The following PSMG4 variants were observed in gnomAD, a reference collection of about 807,000 sequenced individuals.
PSMG4 encodes proteasome assembly chaperone 4.
In PSMG4, 10 loss-of-function variants were observed where a neutral mutation model predicts 11.0. The ratio of observed to expected loss-of-function variants is 0.91; its 90% confidence interval spans 0.56 to 1.54. The LOEUF (loss-of-function observed/expected upper bound fraction) is 1.54, where lower values mean the gene tolerates loss of function less well. PSMG4 is among the 40% of genes most tolerant of loss of function. PSMG4 has a pLI of 0.00. For synonymous variants in PSMG4, 95 were observed against 71.3 expected, an observed-to-expected ratio of 1.33 and a Z score of -1.68; for missense variants, 198 against 160.9, an observed-to-expected ratio of 1.23 and a Z score of -1.25.
At chr6:3,257,941 G>C (rs551123037), upstream of PSMG4, among the ~76,000 whole-genome samples, 33 of 152,204 alleles carry the variant, frequency 2.2e-4, no homozygotes, top group Non-Finnish European at 3.7e-4. Context: ...TTAGCAAATA[G>C]AACTATGGAA....
chr6:3,257,532 TATGGTGTAGCCATACAATGG>T (rs1338507202), upstream of PSMG4, among the ~76,000 whole-genome samples: 1 of 152,156 alleles, frequency 6.6e-6, no homozygotes, highest in Non-Finnish European at 1.5e-5. Context: ...ATAAAACAAT[TATGGTGTAGCCATACAATGG>T]AACACTGCTT....
upstream of PSMG4, chr6:3,255,159 T>C (rs184642645): frequency 9.6e-4 from 1,486 of 1,550,936 alleles, 7 homozygotes; most frequent in Middle Eastern, 0.023. Flanking sequence ...AGCAGGGCCA[T>C]ACTGACGGCT....
intron 1 of PSMG4, among the ~76,000 whole-genome samples, chr6:3,260,200 C>G (rs113415223): frequency 7.2e-5 from 5 of 69,406 alleles, no homozygotes; most frequent in Admixed American, 1.6e-4. Context: ...CCTCAGTGAG[C>G]CCGACTCTTC....
chr6:3,256,278 T>C (rs1428988432), upstream of PSMG4, among the ~76,000 whole-genome samples: 1 of 152,134 alleles, frequency 6.6e-6, no homozygotes, highest in Non-Finnish European at 1.5e-5. Context: ...AATTTCTAGG[T>C]ATATATATCC....
At chr6:3,260,379 C>T (rs1291064534) in intron 1 of PSMG4, among the ~76,000 whole-genome samples, 2 of 147,696 alleles carry the variant, frequency 1.4e-5, no homozygotes, top group East Asian at 4.0e-4. Flanking sequence ...GCAACCTCCG[C>T]CTCCCAGGTT....
intron 1 of PSMG4, among the ~76,000 whole-genome samples, 170 bp from the exon 2 acceptor site, chr6:3,263,514 A>G (rs933148535): frequency 1.2e-4 from 18 of 152,278 alleles, no homozygotes; most frequent in African/African-American, 4.3e-4. Flanking sequence ...CATGGGGTCC[A>G]CCTACTTGGT....
At chr6:3,254,445 T>G (rs1231077369), upstream of PSMG4, among the ~76,000 whole-genome samples, 1 of 69,174 alleles carries the variant, frequency 1.4e-5, no homozygotes, top group Non-Finnish European at 4.7e-5. Context: ...CTGTAATAGT[T>G]TTCTGCTTTT....
chr6:3,260,291 A>ATATATTTTTTTTT, intron 1 of PSMG4, among the ~76,000 whole-genome samples: 26 of 70,856 alleles, frequency 3.7e-4, no homozygotes, highest in African/African-American at 1.2e-3. Context: ...ATATATATAT[A>ATATATTTTTTTTT]TTTTTTTTTT....
chr6:3,263,594 G>A (rs1758073306), intron 1 of PSMG4, 90 bp from the exon 2 acceptor site: 9 of 1,142,936 alleles, frequency 7.9e-6, no homozygotes, highest in South Asian at 1.6e-5. Context: ...CACTGCCATC[G>A]TCGTGAAGAA....
upstream of PSMG4, chr6:3,254,985 C>G (rs1757701040): frequency 6.7e-7 from 1 of 1,500,092 alleles, no homozygotes. Context: ...GCTGTGGATC[C>G]CATGGACCTA....
intron 1 of PSMG4, among the ~76,000 whole-genome samples, chr6:3,262,325 G>C (rs1446193627): frequency 6.6e-6 from 1 of 152,212 alleles, no homozygotes; most frequent in East Asian, 1.9e-4. Flanking sequence ...GGTAGAAAAA[G>C]GCCACCCTGG....
intron 2 of PSMG4, chr6:3,264,580 C>CT (rs1453531209): frequency 7.6e-6 from 4 of 526,532 alleles, no homozygotes; most frequent in Non-Finnish European, 1.3e-5. Flanking sequence ...GGAGTGTCAC[C>CT]AGCAGGCCCA....
intron 2 of PSMG4, chr6:3,266,029 T>C (rs4998907): frequency 0.83 from 125,759 of 151,498 alleles, 52,459 homozygotes; most frequent in Non-Finnish European, 0.87. Flanking sequence ...CCTTGCTTTT[T>C]CATAGGTGTG....
At chr6:3,263,437 G>T (rs189745917) in intron 1 of PSMG4, among the ~76,000 whole-genome samples, 1 of 152,332 alleles carries the variant, frequency 6.6e-6, no homozygotes, top group Non-Finnish European at 1.5e-5. Context: ...TGTGAAACTG[G>T]TCCTAGAACT....
At chr6:3,254,534 C>G (rs776909486), upstream of PSMG4, among the ~76,000 whole-genome samples, 6 of 150,394 alleles carry the variant, frequency 4.0e-5, no homozygotes, top group South Asian at 8.6e-4. Context: ...TAACAATTAT[C>G]TGGAAGGTGT....
chr6:3,259,538 G>A (rs1257465470), intron 1 of PSMG4, among the ~76,000 whole-genome samples: 1 of 152,268 alleles, frequency 6.6e-6, no homozygotes, highest in East Asian at 1.9e-4. Flanking sequence ...TGAGCACACT[G>A]ATAATTTTTT....
Position 3,267,836 on chromosome 6 carries a change from T to C in PSMG4, c.*124T>C, listed in dbSNP as rs1758255738. 2.9e-6 allele frequency: 3 copies of C among 1,024,260 alleles called. No individual in the cohort carries two copies. Among genetic ancestry groups the C allele is most frequent in the Non-Finnish European group, 4.2e-6 (3 of 713,430 alleles). 63.4% of individuals were successfully genotyped at this position (1,024,260 alleles called of 1,614,324 possible). ...TTTTTAAGGGGTTAATCTTTTGAGCTTCCTTCTCAGCAGTGTGTGGGCCAA... is the reference window on the plus strand; with the variant it reads ...TTTTTAAGGGGTTAATCTTTTGAGCCTCCTTCTCAGCAGTGTGTGGGCCAA... On this transcript the variant is annotated 3_prime_UTR_variant, in exon 3 of 3. Coordinates refer to ENST00000438998, the MANE Select transcript of PSMG4 (RefSeq NM_001128591.2).
At chr6:3,254,489 G>A (rs1054141259), upstream of PSMG4, among the ~76,000 whole-genome samples, 1 of 152,132 alleles carries the variant, frequency 6.6e-6, no homozygotes, top group East Asian at 1.9e-4. Context: ...ATTGTTGCTG[G>A]TGGTTTTTTG....
chr6:3,255,372 A>G (rs550138232), upstream of PSMG4: 51 of 1,423,948 alleles, frequency 3.6e-5, no homozygotes, highest in African/African-American at 2.2e-4. Flanking sequence ...CCTGTGGTGG[A>G]TGATGTTTGT....
Sources: gnomAD v4.1 joint callset for allele counts (sites outside exome capture counted in the v4.1 genomes callset) on GRCh38, gnomAD v4.1.1 for gene constraint, MANE v1.5 for transcripts, NCBI Gene and HGNC (gene_info 2026-07-23, HGNC 2026-07-21) for gene names.